C12orf75: variants seen among roughly 807,000 people sequenced by gnomAD.
C12orf75 encodes overexpressed in colon carcinoma 1 protein.
In C12orf75, 4 loss-of-function variants were observed where a neutral mutation model predicts 11.4. That is an observed-to-expected ratio of 0.35 (90% CI 0.17 to 0.80). C12orf75 has a LOEUF of 0.80. Ranked by LOEUF, C12orf75 falls within the 30% of genes least tolerant of loss-of-function variation. C12orf75 has a pLI of 0.52. For missense variants in C12orf75, 89 were observed against 80.4 expected (o/e 1.11, Z -0.41); for synonymous variants, 30 against 30.0 (o/e 1.00, Z 0.00).
intron 2 of C12orf75, among the ~76,000 whole-genome samples, chr12:105,363,875 T>G (rs1235975651): frequency 6.6e-6 from 1 of 152,222 alleles, no homozygotes; most frequent in Non-Finnish European, 1.5e-5. Context: ...GTAAGGTTGT[T>G]GATTAATTTT....
At chr12:105,340,196 C>T (rs11112480) in intron 1 of C12orf75, among the ~76,000 whole-genome samples, 27,926 of 151,532 alleles carry the variant, frequency 0.18, 2,916 homozygotes, top group Non-Finnish European at 0.24. Context: ...GAGGCAGAGG[C>T]GGGTGGATCA....
intron 1 of C12orf75, among the ~76,000 whole-genome samples, chr12:105,338,761 G>A (rs188773363): frequency 1.3e-5 from 2 of 152,048 alleles, no homozygotes; most frequent in South Asian, 2.1e-4. Context: ...TCTTGCTAAT[G>A]ACCAGCCAGC....
intron 1 of C12orf75, among the ~76,000 whole-genome samples, chr12:105,344,744 T>TTA (rs1892614920): frequency 9.7e-6 from 1 of 103,618 alleles, no homozygotes; most frequent in Non-Finnish European, 2.2e-5. Context: ...AGACTCTGTG[T>TTA]CAAAAAAAAA....
intron 1 of C12orf75, among the ~76,000 whole-genome samples, chr12:105,336,193 C>T (rs77375329): frequency 0.031 from 4,657 of 152,252 alleles, 93 homozygotes; most frequent in Admixed American, 0.071. Context: ...TGGATGTAGT[C>T]GTTCACATTG....
intron 3 of C12orf75, chr12:105,366,412 C>T (rs1172883071): frequency 7.7e-6 from 3 of 391,998 alleles, no homozygotes; most frequent in Non-Finnish European, 1.3e-5. Context: ...TAACGCAATA[C>T]ATCTTTCTTT....
chr12:105,341,234 G>C (rs745625884), intron 1 of C12orf75, among the ~76,000 whole-genome samples: 13 of 152,070 alleles, frequency 8.5e-5, no homozygotes, highest in Non-Finnish European at 1.8e-4. Context: ...CTTCAAGACT[G>C]TTCAGAACCT....
chr12:105,332,633 A>G (rs984782048), intron 1 of C12orf75, among the ~76,000 whole-genome samples: 25 of 151,884 alleles, frequency 1.6e-4, no homozygotes, highest in South Asian at 1.0e-3. Flanking sequence ...TGGGAGGCTG[A>G]GGCACGAGAA....
At chr12:105,359,207 A>T (rs1398449222) in intron 2 of C12orf75, among the ~76,000 whole-genome samples, 3 of 152,220 alleles carry the variant, frequency 2.0e-5, no homozygotes, top group Non-Finnish European at 2.9e-5. Flanking sequence ...GTGGGAGGCA[A>T]ACTGGTAGAA....
chr12:105,357,050 C>T (rs1338019661), intron 2 of C12orf75, among the ~76,000 whole-genome samples: 1 of 152,178 alleles, frequency 6.6e-6, no homozygotes, highest in Non-Finnish European at 1.5e-5. Flanking sequence ...GTTTTGGAGG[C>T]AGCCCACCTT....
intron 1 of C12orf75, among the ~76,000 whole-genome samples, chr12:105,343,436 T>G (rs1239883604): frequency 6.6e-6 from 1 of 152,210 alleles, no homozygotes; most frequent in African/African-American, 2.4e-5. Context: ...TAATAAATGA[T>G]AAAGCACATG....
chr12:105,348,824 A>G (rs770827205), intron 2 of C12orf75, among the ~76,000 whole-genome samples, 198 bp downstream of exon 2: 1 of 152,234 alleles, frequency 6.6e-6, no homozygotes, highest in Non-Finnish European at 1.5e-5. Context: ...TTAGCTTTTC[A>G]GTTGCCTGGG....
intron 2 of C12orf75, among the ~76,000 whole-genome samples, chr12:105,356,638 G>A (rs1348257159): frequency 6.6e-6 from 1 of 152,108 alleles, no homozygotes; most frequent in African/African-American, 2.4e-5. Flanking sequence ...GGGAGCTGCT[G>A]TTTCAAATGG....
intron 2 of C12orf75, among the ~76,000 whole-genome samples, chr12:105,357,802 G>GTGTGTGTGTGTGTGTGTA (rs1892804250): frequency 6.8e-6 from 1 of 146,186 alleles, no homozygotes; most frequent in African/African-American, 2.6e-5. Flanking sequence ...GTGTGTGTGT[G>GTGTGTGTGTGTGTGTGTA]TGTGTGAGAG....
At chr12:105,367,541 A>G (rs906476013) in intron 5 of C12orf75, 32 bp downstream of exon 5, 8 of 562,862 alleles carry the variant, frequency 1.4e-5, no homozygotes, top group Non-Finnish European at 1.5e-5. Flanking sequence ...AATTCTATAT[A>G]TTTAGACTTA....
chr12:105,341,463 C>T (rs78538931), intron 1 of C12orf75, among the ~76,000 whole-genome samples: 2,375 of 152,280 alleles, frequency 0.016, 66 homozygotes, highest in African/African-American at 0.054. Flanking sequence ...GCAAATATTG[C>T]GCTTCCAGGT....
intron 5 of C12orf75, among the ~76,000 whole-genome samples, chr12:105,369,512 A>G (rs901216441): frequency 2.0e-5 from 3 of 152,042 alleles, no homozygotes; most frequent in Admixed American, 6.6e-5. Context: ...TACATAGGTA[A>G]ACATGTGCCA....
intron 1 of C12orf75, among the ~76,000 whole-genome samples, chr12:105,345,319 T>C (rs1003470929): frequency 1.3e-5 from 2 of 151,802 alleles, no homozygotes; most frequent in African/African-American, 4.8e-5. Context: ...TGAAACCCTG[T>C]CTCTATTAAA....
At chr12:105,343,245 A>T (rs1401913068) in intron 1 of C12orf75, among the ~76,000 whole-genome samples, 1 of 152,172 alleles carries the variant, frequency 6.6e-6, no homozygotes, top group Non-Finnish European at 1.5e-5. Flanking sequence ...TCCCCACAAG[A>T]AACATTGTTA....
chr12:105,333,563 T>G (rs1892464120), intron 1 of C12orf75, among the ~76,000 whole-genome samples: 1 of 152,222 alleles, frequency 6.6e-6, no homozygotes, highest in Non-Finnish European at 1.5e-5. Flanking sequence ...GAAAGGGTGC[T>G]GAACTTAAGA....
Sources: gnomAD v4.1 joint callset for allele counts (sites outside exome capture counted in the v4.1 genomes callset) on GRCh38, gnomAD v4.1.1 for gene constraint, MANE v1.5 for transcripts, NCBI Gene and HGNC (gene_info 2026-07-23, HGNC 2026-07-21) for gene names.